RALYL: variants seen among roughly 807,000 people sequenced by gnomAD.
RALYL encodes RALY RNA binding protein like, also known as RNA-binding Raly-like protein.
A neutral mutation model predicts 35.1 loss-of-function variants in RALYL; 29 were observed. That is an observed-to-expected ratio of 0.83 (90% CI 0.61 to 1.13). The LOEUF is 1.13. RALYL is among the 50% of genes most tolerant of loss of function. RALYL has a pLI of 0.00. For synonymous variants in RALYL, 120 were observed against 127.6 expected (o/e 0.94, Z 0.40); for missense variants, 359 against 360.4 (o/e 1.00, Z 0.03).
intron 2 of RALYL, among the ~76,000 whole-genome samples, chr8:84,575,116 G>T (rs935613858): frequency 6.6e-6 from 1 of 151,996 alleles, no homozygotes; most frequent in African/African-American, 2.4e-5. Flanking sequence ...TTTTTATTCT[G>T]CAATAGAAAT....
intron 5 of RALYL, among the ~76,000 whole-genome samples, chr8:84,852,656 A>G (rs902084956): frequency 1.8e-4 from 27 of 152,192 alleles, no homozygotes; most frequent in African/African-American, 6.0e-4. Context: ...GTTTTACTCT[A>G]CACCGTAGGA....
chr8:84,299,527 G>C (rs907595057), intron 1 of RALYL, among the ~76,000 whole-genome samples: 1 of 151,944 alleles, frequency 6.6e-6, no homozygotes, highest in African/African-American at 2.4e-5. Context: ...TTTTGGAACA[G>C]TTTCAGTAGG....
intron 1 of RALYL, among the ~76,000 whole-genome samples, chr8:84,364,915 A>G (rs1349709800): frequency 6.6e-6 from 1 of 152,134 alleles, no homozygotes; most frequent in Admixed American, 6.6e-5. Context: ...AGAAGTTTAG[A>G]GATAGTTATT....
rs1203206718 is a variant in RALYL at position 84,404,822 on chromosome 8, AG to A, written c.-23-124476del. ...GTCCAGAAGTTTTTTTTGGCTGGTC[AG>A]CTATTAATTACTGCTTCAATTTCAG... is the stretch of plus-strand genomic sequence containing the variant. On this transcript the variant is annotated intron_variant, in intron 1 of 8. Transcript: ENST00000521268. 5.3e-5 allele frequency among the ~76,000 whole-genome samples: 8 copies of A among 152,260 alleles called. No homozygotes were observed. The South Asian group carries it at 1.7e-3, about 32-fold the overall frequency.
chr8:84,814,569 C>G (rs577205926), intron 4 of RALYL, among the ~76,000 whole-genome samples: 2 of 152,112 alleles, frequency 1.3e-5, no homozygotes, highest in East Asian at 3.9e-4. Flanking sequence ...ATGTGCTGTA[C>G]TAATTTTGAA....
intron 7 of RALYL, among the ~76,000 whole-genome samples, chr8:84,874,503 A>G (rs561662766): frequency 4.0e-4 from 61 of 152,262 alleles, no homozygotes; most frequent in African/African-American, 1.4e-3. Context: ...CCAGGATTTC[A>G]CTAAAGTAAG....
chr8:84,603,978 T>C (rs1319299477), intron 2 of RALYL, among the ~76,000 whole-genome samples: 2 of 152,106 alleles, frequency 1.3e-5, no homozygotes, highest in South Asian at 4.1e-4. Flanking sequence ...TCTATTCACT[T>C]TCCTACTATT....
intron 1 of RALYL, among the ~76,000 whole-genome samples, chr8:84,305,028 G>T (rs1841524697): frequency 6.6e-6 from 1 of 152,074 alleles, no homozygotes; most frequent in Non-Finnish European, 1.5e-5. Context: ...GAGCTGGTTT[G>T]TCACAAGTTC....
At chr8:84,226,695 T>A (rs190759261) in intron 1 of RALYL, among the ~76,000 whole-genome samples, 279 of 152,348 alleles carry the variant, frequency 1.8e-3, no homozygotes, top group African/African-American at 6.4e-3. Flanking sequence ...AAGTTCAAAT[T>A]TTTTTTGAAA....
chr8:84,270,638 G>A (rs1233113574), intron 1 of RALYL, among the ~76,000 whole-genome samples: 2 of 151,606 alleles, frequency 1.3e-5, no homozygotes, highest in Admixed American at 6.6e-5. Context: ...ACAGTGTACT[G>A]TCCTAAGGAT....
intron 1 of RALYL, among the ~76,000 whole-genome samples, chr8:84,366,770 A>AAC (rs1854384155): frequency 8.6e-6 from 1 of 116,936 alleles, no homozygotes; most frequent in Admixed American, 8.0e-5. Flanking sequence ...TCTCAAAAAA[A>AAC]AAAAAAAAAA....
At chr8:84,803,578 T>C (rs1003562953) in intron 3 of RALYL, among the ~76,000 whole-genome samples, 4 of 152,190 alleles carry the variant, frequency 2.6e-5, no homozygotes, top group African/African-American at 9.7e-5. Context: ...GCACCAACTA[T>C]TGGTTTTATC....
chr8:84,344,038 C>T (rs553543143), intron 1 of RALYL, among the ~76,000 whole-genome samples: 5 of 151,894 alleles, frequency 3.3e-5, no homozygotes, highest in Non-Finnish European at 7.4e-5. Context: ...ATTAAAATGC[C>T]TAGTATTTAT....
chr8:84,602,280 C>T, intron 2 of RALYL, among the ~76,000 whole-genome samples: 1 of 152,120 alleles, frequency 6.6e-6, no homozygotes, highest in East Asian at 1.9e-4. Flanking sequence ...TATTCACTTG[C>T]CCAGGTCAGA....
intron 2 of RALYL, among the ~76,000 whole-genome samples, chr8:84,553,235 C>T (rs936077364): frequency 1.3e-5 from 2 of 152,190 alleles, no homozygotes; most frequent in African/African-American, 2.4e-5. Flanking sequence ...AATCATAGCT[C>T]ACTGTAACCT....
In RALYL at chr8:84,574,609, T is replaced by C. The variant is rs143580837; in HGVS notation, c.256+45032T>C. 2.0e-5 allele frequency among the ~76,000 whole-genome samples: 3 copies of C among 152,130 alleles called. No individual in the cohort carries two copies. In the South Asian group the frequency reaches 6.2e-4, roughly 31 times the overall value. ...ATCTGAAAAAATCCTGGCAGAAAGC[T>C]TGGATGATATCATAGGACATACCTC... On this transcript the variant is annotated intron_variant, in intron 2 of 8. Transcript: ENST00000521268.
intron 6 of RALYL, 29 bp downstream of exon 6, chr8:84,862,482 T>C (rs1838311726): frequency 6.6e-7 from 1 of 1,511,786 alleles, no homozygotes; most frequent in Non-Finnish European, 8.9e-7. Context: ...TTTATTTCTC[T>C]TTAAAGAAGG....
chr8:84,823,124 A>G (rs1226726470), intron 4 of RALYL, among the ~76,000 whole-genome samples: 2 of 152,172 alleles, frequency 1.3e-5, no homozygotes, highest in African/African-American at 2.4e-5. Context: ...ATAGCATGTT[A>G]TATGATATCA....
intron 2 of RALYL, among the ~76,000 whole-genome samples, chr8:84,725,272 T>G (rs1844728030): frequency 6.6e-6 from 1 of 151,748 alleles, no homozygotes; most frequent in South Asian, 2.1e-4. Flanking sequence ...GAAAGTACAT[T>G]GCTATGACAA....
Sources: gnomAD v4.1 joint callset for allele counts (sites outside exome capture counted in the v4.1 genomes callset) on GRCh38, gnomAD v4.1.1 for gene constraint, MANE v1.5 for transcripts, NCBI Gene and HGNC (gene_info 2026-07-23, HGNC 2026-07-21) for gene names.